The following ATP8A2 variants were observed in gnomAD, a reference collection of about 807,000 sequenced individuals.
ATP8A2 encodes phospholipid-transporting ATPase IB.
Under a neutral mutation model 165.6 loss-of-function variants are expected in ATP8A2, and 100 were observed. The ratio of observed to expected loss-of-function variants is 0.60; its 90% CI spans 0.51 to 0.71. The LOEUF is 0.71. Ranked by LOEUF, ATP8A2 falls within the 30% of genes least tolerant of loss-of-function variation. The pLI is 0.00. For missense variants in ATP8A2, 1,227 were observed against 1,479.5 expected, an observed-to-expected ratio of 0.83 and a Z score of 2.80; for synonymous variants, 543 against 548.8, an observed-to-expected ratio of 0.99 and a Z score of 0.15.
At chr13:25,414,186 G>GTTTTTTT (rs10528594) in intron 1 of ATP8A2, among the ~76,000 whole-genome samples, 2 of 119,052 alleles carry the variant, frequency 1.7e-5, no homozygotes, top group Admixed American at 8.6e-5. Flanking sequence ...GGGCTGTGGT[G>GTTTTTTT]TTTTTTTTTT....
chr13:25,855,842 C>T (rs775712491), intron 30 of ATP8A2, among the ~76,000 whole-genome samples: 4 of 152,126 alleles, frequency 2.6e-5, no homozygotes, highest in South Asian at 2.1e-4. Flanking sequence ...GTAGGCACCC[C>T]GGTGGGTGTT....
intron 28 of ATP8A2, among the ~76,000 whole-genome samples, chr13:25,831,103 G>T (rs186910498): frequency 6.6e-6 from 1 of 151,868 alleles, no homozygotes; most frequent in South Asian, 2.1e-4. Context: ...TGGGTTCTCC[G>T]CTGTCATTTT....
chr13:25,565,720 G>A (rs2039293637), intron 16 of ATP8A2, among the ~76,000 whole-genome samples: 1 of 152,034 alleles, frequency 6.6e-6, no homozygotes, highest in Admixed American at 6.6e-5. Context: ...CTGTGCAAAA[G>A]CTCTTTAGTT....
chr13:25,929,262 G>A (rs986233604), intron 33 of ATP8A2, among the ~76,000 whole-genome samples: 1 of 152,112 alleles, frequency 6.6e-6, no homozygotes, highest in African/African-American at 2.4e-5. Flanking sequence ...AGAGCTGGTG[G>A]GGGCTGCCTT....
chr13:25,563,922 A>C (rs746524840), intron 15 of ATP8A2, 34 bp from the exon 16 acceptor site: 1 of 1,522,294 alleles, frequency 6.6e-7, no homozygotes, highest in African/African-American at 1.4e-5. Flanking sequence ...AGAAACTTTT[A>C]AATTGAATAA....
chr13:25,786,064 A>T (rs911432516), intron 27 of ATP8A2, among the ~76,000 whole-genome samples: 1 of 152,210 alleles, frequency 6.6e-6, no homozygotes, highest in Admixed American at 6.5e-5. Flanking sequence ...GTAATTATTT[A>T]TGAGAATGCA....
At chr13:25,987,952 T>C (rs1165230057) in intron 35 of ATP8A2, among the ~76,000 whole-genome samples, 2 of 152,262 alleles carry the variant, frequency 1.3e-5, no homozygotes, top group African/African-American at 4.8e-5. Context: ...CACCTTTGGC[T>C]AAAGGCTATG....
Position 25,469,032 on chromosome 13 carries a change from C to G in ATP8A2, c.132C>G (p.Ala44=), listed in dbSNP as rs1566157268. Residue 44 remains alanine (A), a synonymous_variant, in exon 2 of 37, where the codon GCC becomes GCG. Coordinates refer to ENST00000381655, the MANE Select transcript of ATP8A2 (RefSeq NM_016529.6). ...AGGCAGAGGATGAGATGTCCCGGGCCACGTCTGTTGGAGACCAGCTGGAGG... is the reference window on the plus strand; with the variant it reads ...AGGCAGAGGATGAGATGTCCCGGGCGACGTCTGTTGGAGACCAGCTGGAGG... ...YKKAEDEMSR[A]TSVGDQLEAP... is the part of the protein sequence containing the mutation. 2 of 1,614,064 alleles carry G rather than the reference C, an allele frequency of 1.2e-6. No homozygotes were observed. Among genetic ancestry groups the G allele is most frequent in the Non-Finnish European group, 1.7e-6 (2 of 1,179,902 alleles).
At chr13:25,864,872 A>C (rs1593470212) in intron 33 of ATP8A2, among the ~76,000 whole-genome samples, 1 of 145,528 alleles carries the variant, frequency 6.9e-6, no homozygotes, top group South Asian at 2.2e-4. Flanking sequence ...GGGGCTCCTG[A>C]GTGGGTAAAG....
intron 24 of ATP8A2, among the ~76,000 whole-genome samples, chr13:25,697,516 A>G (rs1252088219): frequency 6.6e-6 from 1 of 152,138 alleles, no homozygotes; most frequent in Non-Finnish European, 1.5e-5. Flanking sequence ...CTTGACCTCA[A>G]GTGATCCACC....
chr13:25,690,661 A>C (rs1843299325), intron 24 of ATP8A2, among the ~76,000 whole-genome samples: 1 of 152,234 alleles, frequency 6.6e-6, no homozygotes, highest in African/African-American at 2.4e-5. Flanking sequence ...AAAATTAAGG[A>C]GACTGAGCAT....
chr13:25,495,105 A>G (rs2036634672), intron 2 of ATP8A2, among the ~76,000 whole-genome samples: 1 of 152,226 alleles, frequency 6.6e-6, no homozygotes, highest in Non-Finnish European at 1.5e-5. Context: ...CGTTGAGGAC[A>G]TTTGGGCAAA....
chr13:25,699,387 T>C, intron 25 of ATP8A2, 42 bp downstream of exon 25: 4 of 1,458,660 alleles, frequency 2.7e-6, no homozygotes, highest in Non-Finnish European at 3.7e-6. Context: ...CTCTGCTGTG[T>C]CTGTATCCCG....
intron 16 of ATP8A2, among the ~76,000 whole-genome samples, chr13:25,566,523 T>G (rs1402409787): frequency 6.6e-6 from 1 of 152,094 alleles, no homozygotes; most frequent in Non-Finnish European, 1.5e-5. Flanking sequence ...GGATGGTGAA[T>G]GGAAAAGGAG....
rs539857661 is a variant in ATP8A2, at chr13:25,646,278, A to G, written c.2212-52895A>G. ...CCATTTGAGTGAAATATCTTTTTCTATCTCTTCACTTTCAGTCTATATGCA... is the reference window on the plus strand; with the variant it reads ...CCATTTGAGTGAAATATCTTTTTCTGTCTCTTCACTTTCAGTCTATATGCA... On this transcript the variant is annotated intron_variant, in intron 24 of 36. Coordinates refer to ENST00000381655, the MANE Select transcript of ATP8A2 (RefSeq NM_016529.6). Among the ~76,000 whole-genome samples, 122 of 152,180 alleles carry G rather than the reference A, an allele frequency of 8.0e-4. 1 individual carries two copies. In the South Asian group the frequency reaches 0.024, roughly 30 times the overall value.
chr13:25,829,718 A>ATATATATATATC (rs1951415941), intron 28 of ATP8A2, among the ~76,000 whole-genome samples: 1 of 99,976 alleles, frequency 1.0e-5, no homozygotes, highest in Non-Finnish European at 2.0e-5. Flanking sequence ...ATATATATAT[A>ATATATATATATC]TATCACCTGC....
intron 25 of ATP8A2, among the ~76,000 whole-genome samples, chr13:25,738,352 A>ACACACTTCTTCTGGCCCCCCTCCCCCCC (rs2043831923): frequency 3.2e-5 from 1 of 31,044 alleles, no homozygotes; most frequent in Non-Finnish European, 9.0e-5. Flanking sequence ...CCCCCCCCCC[A>ACACACTTCTTCTGGCCCCCCTCCCCCCC]CACACACTTC....
At chr13:25,698,302 C>T (rs1054777906) in intron 24 of ATP8A2, among the ~76,000 whole-genome samples, 4 of 151,386 alleles carry the variant, frequency 2.6e-5, no homozygotes, top group Non-Finnish European at 5.9e-5. Context: ...TTCACTACAG[C>T]GTCAACTTTC....
intron 25 of ATP8A2, among the ~76,000 whole-genome samples, chr13:25,713,385 A>C (rs1160840973): frequency 1.3e-5 from 2 of 152,178 alleles, no homozygotes; most frequent in South Asian, 4.1e-4. Context: ...TTATGTGTGC[A>C]TGAAAGGATA....
Sources: gnomAD v4.1 joint callset for allele counts (sites outside exome capture counted in the v4.1 genomes callset) on GRCh38, gnomAD v4.1.1 for gene constraint, MANE v1.5 for transcripts, NCBI Gene and HGNC (gene_info 2026-07-23, HGNC 2026-07-21) for gene names.